The following RIMS1 variants were observed in gnomAD, a reference collection of about 807,000 sequenced individuals.
RIMS1 encodes the protein regulating synaptic membrane exocytosis protein 1.
RIMS1 carries 83 observed loss-of-function variants against 214.1 expected under a neutral mutation model. The ratio of observed to expected loss-of-function variants is 0.39; its 90% confidence interval spans 0.32 to 0.47. The LOEUF is 0.47. Ranked by LOEUF, RIMS1 falls within the 20% of genes least tolerant of loss-of-function variation. The pLI is 0.99. For missense variants in RIMS1, 2,050 were observed against 2,161.8 expected (o/e 0.95, Z 1.03); for synonymous variants, 793 against 786.8 (o/e 1.01, Z -0.13).
At chr6:72,353,210 C>G (rs2097524100) in intron 29 of RIMS1, among the ~76,000 whole-genome samples, 1 of 151,986 alleles carries the variant, frequency 6.6e-6, no homozygotes, top group Non-Finnish European at 1.5e-5. Flanking sequence ...GTCTCGAACT[C>G]CTGACCTCGG....
intron 29 of RIMS1, among the ~76,000 whole-genome samples, chr6:72,375,223 C>T (rs2098339943): frequency 6.6e-6 from 1 of 152,208 alleles, no homozygotes; most frequent in Non-Finnish European, 1.5e-5. Context: ...CTCTCATGAG[C>T]TCTTTGCCTC....
intron 31 of RIMS1, among the ~76,000 whole-genome samples, chr6:72,397,120 TG>T (rs2098788755): frequency 6.6e-6 from 1 of 152,098 alleles, no homozygotes; most frequent in Admixed American, 6.6e-5. Context: ...AATAGAAAGC[TG>T]AAAAAACCTG....
At chr6:72,166,399 C>A (rs1275915417) in intron 4 of RIMS1, among the ~76,000 whole-genome samples, 1 of 151,704 alleles carries the variant, frequency 6.6e-6, no homozygotes, top group African/African-American at 2.4e-5. Flanking sequence ...TAGTCCCTCA[C>A]AATACAGCCA....
intron 6 of RIMS1, among the ~76,000 whole-genome samples, chr6:72,207,534 C>T (rs2053138868): frequency 6.6e-6 from 1 of 151,980 alleles, no homozygotes; most frequent in Non-Finnish European, 1.5e-5. Context: ...GGTGTGTGGG[C>T]AATAGGATGA....
intron 2 of RIMS1, among the ~76,000 whole-genome samples, chr6:72,090,909 T>C (rs532455515): frequency 6.6e-6 from 1 of 152,254 alleles, no homozygotes; most frequent in Non-Finnish European, 1.5e-5. Flanking sequence ...TCTTAATCAG[T>C]CCATCGTTCT....
chr6:72,233,237 C>G (rs985996837), intron 6 of RIMS1, among the ~76,000 whole-genome samples: 3 of 151,694 alleles, frequency 2.0e-5, no homozygotes, highest in South Asian at 4.1e-4. Context: ...CATTTGTAGC[C>G]AGTCTTTTGG....
chr6:72,075,637 G>T (rs1831632080), intron 2 of RIMS1, among the ~76,000 whole-genome samples: 1 of 152,112 alleles, frequency 6.6e-6, no homozygotes, highest in Non-Finnish European at 1.5e-5. Flanking sequence ...ATTTAACTAA[G>T]ATTAGAAAGA....
rs116580155 is a variant in RIMS1, at chr6:72,315,708, C to G, written c.4130+2036C>G. On this transcript the variant is annotated intron_variant, in intron 28 of 33. Transcript: ENST00000521978. ...GCAGCAGTACACACACACACACACA[C>G]AGAGACACACAAACACATGGAGTTA... Among the ~76,000 whole-genome samples, 580 of 152,004 alleles carry G rather than the reference C, an allele frequency of 3.8e-3. 4 individuals carry two copies. The highest frequency in any genetic ancestry group is 0.013 in the African/African-American group (559 of 41,518).
At chr6:72,060,141 A>T (rs1012191711) in intron 2 of RIMS1, among the ~76,000 whole-genome samples, 15 of 151,336 alleles carry the variant, frequency 9.9e-5, no homozygotes, top group Admixed American at 2.0e-4. Context: ...TTATTTATTT[A>T]TTTTTTAAGT....
At chr6:72,030,311 G>A (rs1266310712) in intron 2 of RIMS1, among the ~76,000 whole-genome samples, 5 of 152,116 alleles carry the variant, frequency 3.3e-5, no homozygotes, top group Non-Finnish European at 7.4e-5. Flanking sequence ...TATTTTACTT[G>A]ATTCAGAGAG....
intron 4 of RIMS1, among the ~76,000 whole-genome samples, chr6:72,170,117 A>G (rs1455752593): frequency 6.6e-6 from 1 of 152,120 alleles, no homozygotes; most frequent in Non-Finnish European, 1.5e-5. Flanking sequence ...TAAGCTCCAC[A>G]AAGTCCTTTT....
intron 4 of RIMS1, among the ~76,000 whole-genome samples, chr6:72,114,811 T>TA (rs1377453020): frequency 6.6e-6 from 1 of 151,978 alleles, no homozygotes; most frequent in Non-Finnish European, 1.5e-5. Context: ...GAACTGTACT[T>TA]AGCTATTGTT....
chr6:72,263,195 G>A (rs1277419783), intron 19 of RIMS1: 1 of 984,840 alleles, frequency 1.0e-6, no homozygotes, highest in African/African-American at 1.7e-5. Context: ...AATACACACA[G>A]CATATTAAAG....
At chr6:72,222,662 C>A (rs1302953080) in intron 6 of RIMS1, among the ~76,000 whole-genome samples, 1 of 151,986 alleles carries the variant, frequency 6.6e-6, no homozygotes, top group Non-Finnish European at 1.5e-5. Flanking sequence ...ATGATTATTG[C>A]TATTTGTTTA....
chr6:72,179,576 T>A lies in RIMS1; in HGVS notation c.473T>A (p.Val158Asp). The change falls in exon 5 of 34, where the codon GTT (valine) becomes GAT (aspartate). Residue 158 changes from valine to aspartate, a missense_variant and splice_region_variant. Physicochemically the swap from Val to Asp is radical, Grantham distance 152. This residue lies in a region of RIMS1 where 882 missense variants were observed against 828.9 expected (regional missense o/e 1.06). Coordinates refer to ENST00000521978, the MANE Select transcript of RIMS1 (RefSeq NM_014989.7). ...SLRSNNEDKVVMWVCNLCRKQ... is the reference protein window; with the variant it reads ...SLRSNNEDKVDMWVCNLCRKQ... ...TATTGTTCTTTCTTCTTCAAATAGG[T>A]TATGTGGGTATGCAATTTATGTCGA... is the stretch of plus-strand genomic sequence containing the variant. The A allele has an allele frequency of 6.2e-7, 1 of 1,611,650 alleles. No homozygotes were observed. Among genetic ancestry groups the A allele is most frequent in the Non-Finnish European group, 8.5e-7 (1 of 1,178,088 alleles).
At chr6:72,279,232 T>G (rs1016571205) in intron 23 of RIMS1, among the ~76,000 whole-genome samples, 2 of 151,986 alleles carry the variant, frequency 1.3e-5, no homozygotes, top group Non-Finnish European at 2.9e-5. Context: ...TTACCTCTGT[T>G]TTTCATCAGT....
At chr6:72,119,839 T>C (rs1012910549) in intron 4 of RIMS1, among the ~76,000 whole-genome samples, 8 of 151,554 alleles carry the variant, frequency 5.3e-5, no homozygotes, top group Non-Finnish European at 1.2e-4. Flanking sequence ...GTGTGTGATG[T>C]TTCCCCTCCT....
At chr6:71,907,371 A>ATCTT (rs1325836301) in intron 1 of RIMS1, among the ~76,000 whole-genome samples, 3 of 152,194 alleles carry the variant, frequency 2.0e-5, no homozygotes, top group Non-Finnish European at 4.4e-5. Flanking sequence ...ACTGTATAAG[A>ATCTT]ATACCTTACT....
rs186883759 is a variant in RIMS1 at position 72,243,021 on chromosome 6, T to A, written c.2081+584T>A. Reference sequence around the variant, plus strand: ...TAATTATCTATAGCCAGTGGGATATTTTCTATGTATGTATATAGATTTCCC... The same window carrying A: ...TAATTATCTATAGCCAGTGGGATATATTCTATGTATGTATATAGATTTCCC... On this transcript the variant is annotated intron_variant, in intron 10 of 33. Coordinates refer to ENST00000521978, the MANE Select transcript of RIMS1 (RefSeq NM_014989.7). 4.6e-3 allele frequency among the ~76,000 whole-genome samples: 701 copies of A among 151,914 alleles called. 9 individuals are homozygous for A. Among genetic ancestry groups the A allele is most frequent in the African/African-American group, 0.016 (679 of 41,558 alleles).
Sources: allele counts gnomAD v4.1 joint callset (sites outside exome capture counted in the v4.1 genomes callset), GRCh38; gene constraint gnomAD v4.1.1; regional missense constraint gnomAD v4.1.1; transcripts MANE v1.5; gene names NCBI Gene and HGNC (gene_info 2026-07-23, HGNC 2026-07-21).